The following SF3B3 variants were observed in gnomAD, a reference collection of about 807,000 sequenced individuals.
SF3B3 encodes the protein splicing factor 3b subunit 3.
SF3B3 carries 33 observed loss-of-function variants against 139.2 expected under a neutral mutation model. The ratio of observed to expected loss-of-function variants is 0.24; its 90% CI spans 0.18 to 0.32. The LOEUF (loss-of-function observed/expected upper bound fraction) is 0.32, where lower values mean the gene tolerates loss of function less well. SF3B3 is among the 10% of genes least tolerant of loss of function. The pLI is 1.00. For synonymous variants in SF3B3, 596 were observed against 563.6 expected (o/e 1.06, Z -0.81); for missense variants, 818 against 1,509.4 (o/e 0.54, Z 7.59).
At chr16:70,546,004 G>GT (rs987326195) in intron 10 of SF3B3, among the ~76,000 whole-genome samples, 10 of 152,076 alleles carry the variant, frequency 6.6e-5, no homozygotes, top group East Asian at 1.9e-4. Context: ...TTTTGTTTTT[G>GT]TTTTTTTGAG....
rs763495044 is a variant in SF3B3, at chr16:70,530,898, G to C, written c.551G>C (p.Cys184Ser). Residue 184 changes from cysteine to serine, a missense_variant, in exon 4 of 26, where the codon TGT becomes TCT. Cys to Ser is a moderately radical substitution (Grantham distance 112). Around this residue, in one of 14 missense-constraint regions of SF3B3, gnomAD observed 144 missense variants for 259.2 expected, o/e 0.56. Transcript: ENST00000302516. ...DVGFENPMFA[C>S]LEMDYEEADN... is the part of the protein sequence containing the mutation. Reference sequence around the variant, plus strand: ...GGATTTGAAAATCCAATGTTTGCTTGTCTGGAAATGGATTATGAGGTAATG... The same window carrying C: ...GGATTTGAAAATCCAATGTTTGCTTCTCTGGAAATGGATTATGAGGTAATG... 14 of 1,612,946 alleles carry C rather than the reference G, an allele frequency of 8.7e-6. No individual in the cohort carries two copies. Among genetic ancestry groups the C allele is most frequent in the Non-Finnish European group, 1.1e-5 (13 of 1,179,570 alleles).
rs151308219 is a variant in SF3B3 at position 70,536,702 on chromosome 16, T to C, written c.825+1282T>C. Among the ~76,000 whole-genome samples the C allele has an allele frequency of 3.5e-3, 526 of 151,932 alleles. 7 individuals carry two copies. The highest frequency in any genetic ancestry group is 0.012 in the African/African-American group (490 of 41,448). The stretch of plus-strand genomic sequence containing the variant: ...GAGACGGGGTTTGCCATGTTGGCCA[T>C]TCTCGTCCCAAACTCCTGACCTCAA... On this transcript the variant is annotated intron_variant, in intron 6 of 25. Coordinates refer to ENST00000302516, the MANE Select transcript of SF3B3 (RefSeq NM_012426.5).
rs77231446 is a variant in SF3B3, at chr16:70,548,914, G to A, written c.1402+472G>A. On this transcript the variant is annotated intron_variant, in intron 11 of 25. Transcript: ENST00000302516. ...GCTAGTGCTTAAGGAAAGCAGAGTGGAATTGAGTGGAATTCGAATTTTAGT... is the reference window on the plus strand; with the variant it reads ...GCTAGTGCTTAAGGAAAGCAGAGTGAAATTGAGTGGAATTCGAATTTTAGT... 6.6e-3 allele frequency among the ~76,000 whole-genome samples: 998 copies of A among 152,342 alleles called. 13 individuals are homozygous for A. Among genetic ancestry groups the A allele is most frequent in the African/African-American group, 0.023 (936 of 41,582 alleles).
chr16:70,538,097 T>C (rs749090947), intron 6 of SF3B3: 2 of 695,066 alleles, frequency 2.9e-6, no homozygotes, highest in South Asian at 2.7e-5. Context: ...CTGATCAGGC[T>C]GTAGAGTGGA....
At chr16:70,557,074 A>G (rs750891947) in intron 15 of SF3B3, 45 bp downstream of exon 15, 1 of 1,534,676 alleles carries the variant, frequency 6.5e-7, no homozygotes, top group South Asian at 1.3e-5. Context: ...GGCCTTCTGT[A>G]CGTTTCACAC....
intron 6 of SF3B3, among the ~76,000 whole-genome samples, chr16:70,536,707 G>A (rs749904950): frequency 1.3e-5 from 2 of 151,260 alleles, no homozygotes; most frequent in South Asian, 2.1e-4. Context: ...GGCCATTCTC[G>A]TCCCAAACTC....
chr16:70,524,063 G>A, intron 1 of SF3B3, 135 bp downstream of exon 1: 3 of 396,710 alleles, frequency 7.6e-6, no homozygotes, highest in Middle Eastern at 6.4e-4. Flanking sequence ...GAGGTACCGA[G>A]GGATGGTTGA....
At chr16:70,571,577 A>C in intron 25 of SF3B3, 96 bp from the exon 26 acceptor site, 3 of 1,381,840 alleles carry the variant, frequency 2.2e-6, no homozygotes, top group Non-Finnish European at 2.9e-6. Flanking sequence ...AAACTAAAAA[A>C]TAAAAACAGC....
chr16:70,567,580 AGGGTGGG>A, intron 21 of SF3B3, 44 bp downstream of exon 21: 1 of 1,583,710 alleles, frequency 6.3e-7, no homozygotes, highest in Non-Finnish European at 8.6e-7. Flanking sequence ...TCATGTGTCA[AGGGTGGG>A]GGCATTGGTG....
intron 5 of SF3B3, among the ~76,000 whole-genome samples, chr16:70,533,987 G>A (rs951045195): frequency 2.0e-5 from 3 of 152,166 alleles, no homozygotes; most frequent in Non-Finnish European, 4.4e-5. Flanking sequence ...AAAATTAGAC[G>A]TGGTGCCGCC....
At chr16:70,531,865 G>T (rs973172008) in intron 4 of SF3B3, among the ~76,000 whole-genome samples, 6 of 152,214 alleles carry the variant, frequency 3.9e-5, no homozygotes, top group Non-Finnish European at 8.8e-5. Context: ...TGCAGTTCTC[G>T]TTCTAGCTCT....
At chr16:70,530,164 A>G (rs928938496) in intron 3 of SF3B3, among the ~76,000 whole-genome samples, 2 of 149,962 alleles carry the variant, frequency 1.3e-5, no homozygotes, top group Non-Finnish European at 3.0e-5. Context: ...ATAAATAAAT[A>G]AATAAATAAG....
chr16:70,546,132 AATTT>A (rs1213821358), intron 10 of SF3B3, among the ~76,000 whole-genome samples: 8 of 152,172 alleles, frequency 5.3e-5, no homozygotes, highest in South Asian at 4.1e-4. Flanking sequence ...ACGCTTGGCT[AATTT>A]ATTTATTTAT....
At chr16:70,558,532 A>G (rs2050399135) in intron 15 of SF3B3, among the ~76,000 whole-genome samples, 1 of 152,118 alleles carries the variant, frequency 6.6e-6, no homozygotes, top group Admixed American at 6.6e-5. Context: ...CAAGTCTGAA[A>G]TCTGGTATTG....
Position 70,556,982 on chromosome 16 carries a change from G to T in SF3B3, c.1963G>T (p.Gly655Cys), listed in dbSNP as rs1260686834. ...MGGTEKQDEL[G>C]ERGSIGFLYL... Reference sequence around the variant, plus strand: ...TGGGACTGAGAAGCAGGATGAGCTGGGTGAGAGGGGCTCGATTGGCTTCCT... The same window carrying T: ...TGGGACTGAGAAGCAGGATGAGCTGTGTGAGAGGGGCTCGATTGGCTTCCT... The change falls in exon 15 of 26, where the codon GGT becomes TGT. Residue 655 changes from glycine to cysteine, a missense_variant. Physicochemically the swap from Gly to Cys is radical, Grantham distance 159 (BLOSUM62 -3). Transcript: ENST00000302516. 1.2e-6 allele frequency: 2 copies of T among 1,613,786 alleles called. No homozygotes were observed. The highest frequency in any genetic ancestry group is 2.7e-5 in the African/African-American group (2 of 74,898).
At chr16:70,533,864 T>C (rs1366950479) in intron 5 of SF3B3, among the ~76,000 whole-genome samples, 1 of 152,248 alleles carries the variant, frequency 6.6e-6, no homozygotes, top group East Asian at 1.9e-4. Context: ...TGTAACATAT[T>C]ACCATACCTT....
chr16:70,548,482 G>T (rs199524249), intron 11 of SF3B3, 40 bp downstream of exon 11: 41 of 1,561,002 alleles, frequency 2.6e-5, no homozygotes, highest in Non-Finnish European at 1.8e-6. Flanking sequence ...GAGGATCTAG[G>T]TGCCATTGAC....
intron 11 of SF3B3, 46 bp downstream of exon 11, chr16:70,548,488 T>C: frequency 2.0e-6 from 3 of 1,526,414 alleles, no homozygotes; most frequent in South Asian, 1.1e-5. Context: ...CTAGGTGCCA[T>C]TGACATAGAA....
At chr16:70,544,370 A>G (rs1157043264) in intron 9 of SF3B3, 68 bp from the exon 10 acceptor site, 1 of 858,654 alleles carries the variant, frequency 1.2e-6, no homozygotes, top group Non-Finnish European at 2.0e-6. Flanking sequence ...CTGGGATACT[A>G]GAGAATCAGA....
Sources: gnomAD v4.1 joint callset for allele counts (sites outside exome capture counted in the v4.1 genomes callset) on GRCh38, gnomAD v4.1.1 for gene constraint, gnomAD v4.1.1 regional missense constraint, MANE v1.5 for transcripts, NCBI Gene and HGNC (gene_info 2026-07-23, HGNC 2026-07-21) for gene names.